PRKAG2: variants seen among roughly 807,000 people sequenced by gnomAD.
PRKAG2 encodes the protein protein kinase AMP-activated non-catalytic subunit gamma 2.
Under a neutral mutation model 69.6 loss-of-function variants are expected in PRKAG2, and 26 were observed. That is an observed-to-expected ratio of 0.37 (90% CI 0.27 to 0.52). The LOEUF is 0.52. Among genes scored for constraint, PRKAG2 ranks in the 20% least tolerant of loss-of-function variants. PRKAG2 has a pLI of 0.90. For synonymous variants in PRKAG2, 293 were observed against 285.0 expected (o/e 1.03, Z -0.28); for missense variants, 557 against 740.0 (o/e 0.75, Z 2.87).
chr7:151,598,158 C>T (rs1815095145), intron 5 of PRKAG2, among the ~76,000 whole-genome samples: 2 of 152,160 alleles, frequency 1.3e-5, no homozygotes, highest in African/African-American at 2.4e-5. Flanking sequence ...CATCTGTGAG[C>T]ACAGGATGAA....
At chr7:151,580,530 T>C (rs1810144305) in intron 6 of PRKAG2, among the ~76,000 whole-genome samples, 2 of 152,228 alleles carry the variant, frequency 1.3e-5, no homozygotes, top group South Asian at 4.1e-4. Context: ...AGAAGCAAAA[T>C]ATATAACAAT....
At chr7:151,635,103 C>T (rs1016347306) in intron 4 of PRKAG2, among the ~76,000 whole-genome samples, 1 of 152,044 alleles carries the variant, frequency 6.6e-6, no homozygotes, top group Non-Finnish European at 1.5e-5. Flanking sequence ...GCACATGCTA[C>T]CACAGGTCAG....
At chr7:151,639,289 T>G (rs1454015780) in intron 4 of PRKAG2, among the ~76,000 whole-genome samples, 1 of 152,234 alleles carries the variant, frequency 6.6e-6, no homozygotes, top group Non-Finnish European at 1.5e-5. Context: ...TTCTCAGGGT[T>G]GGCCAGCCGG....
intron 1 of PRKAG2, among the ~76,000 whole-genome samples, chr7:151,823,072 A>G (rs984203104): frequency 6.8e-6 from 1 of 147,172 alleles, no homozygotes; most frequent in African/African-American, 2.5e-5. Flanking sequence ...TCAACTGCAG[A>G]ACCTGCTCCC....
At chr7:151,840,479 T>C (rs529965293) in intron 1 of PRKAG2, among the ~76,000 whole-genome samples, 1 of 152,324 alleles carries the variant, frequency 6.6e-6, no homozygotes, top group Admixed American at 6.5e-5. Context: ...CTCAACTTCC[T>C]GGCCTCAATT....
chr7:151,598,442 T>A (rs1416082361), intron 5 of PRKAG2, among the ~76,000 whole-genome samples: 2 of 152,160 alleles, frequency 1.3e-5, no homozygotes, highest in Non-Finnish European at 2.9e-5. Context: ...AGGGAGGATT[T>A]TGAATGTTCC....
chr7:151,830,165 C>G lies in PRKAG2; in HGVS notation c.115-43624G>C, dbSNP rs144955673. On this transcript the variant is annotated intron_variant, in intron 1 of 15. Transcript: ENST00000287878. ...ATGCTCACGAGGGGACACCTGGGGT[C>G]GCTGATAGAAGTTCAGCGGTTTGCC... Among the ~76,000 whole-genome samples the G allele has an allele frequency of 8.1e-4, 119 of 147,038 alleles. 2 individuals are homozygous for G. Among genetic ancestry groups the G allele is most frequent in the Non-Finnish European group, 1.6e-3 (109 of 67,186 alleles).
rs1033967109 is a variant in PRKAG2, at chr7:151,771,838, C to T, written c.466+9314G>A. On this transcript the variant is annotated intron_variant, in intron 3 of 15. Transcript: ENST00000287878. The surrounding 1 kb of genome is among the most constrained non-coding windows in gnomAD (Gnocchi z 4.0). ...TCCCTTCACAGTTTCTGGACCCGGT[C>T]GGGCTTACATATGACCCACTGAAAT... 3.1e-4 allele frequency among the ~76,000 whole-genome samples: 47 copies of T among 152,306 alleles called. No individual in the cohort carries two copies. Among genetic ancestry groups the T allele is most frequent in the Admixed American group, 2.2e-3 (34 of 15,306 alleles).
intron 5 of PRKAG2, among the ~76,000 whole-genome samples, chr7:151,609,990 C>G (rs1044697827): frequency 6.6e-6 from 1 of 152,214 alleles, no homozygotes; most frequent in African/African-American, 2.4e-5. Context: ...GTAGCTGGCT[C>G]TACCCCGGAG....
chr7:151,828,730 G>A lies in PRKAG2; in HGVS notation c.115-42189C>T, dbSNP rs539088345. Among the ~76,000 whole-genome samples, 2 of 151,876 alleles carry A rather than the reference G, an allele frequency of 1.3e-5. No individual in the cohort carries two copies. The highest frequency in any genetic ancestry group is 3.9e-4 in the East Asian group (2 of 5,160). On this transcript the variant is annotated intron_variant, in intron 1 of 15. Coordinates refer to ENST00000287878, the MANE Select transcript of PRKAG2 (RefSeq NM_016203.4). This position sits in a 1 kb window ranked among gnomAD's most constrained non-coding sequence, Gnocchi z 4.6. ...GAGCTCGGGAGTTTGAGACCAGACT[G>A]GACAACACAGCGAGACCCTGTCTTT...
intron 1 of PRKAG2, among the ~76,000 whole-genome samples, chr7:151,864,151 G>A (rs1375002495): frequency 1.3e-5 from 2 of 152,156 alleles, no homozygotes; most frequent in Non-Finnish European, 2.9e-5. Context: ...CTGGCTTCCT[G>A]ACCTCCAGCC....
At chr7:151,585,652 G>A (rs1354185881) in intron 6 of PRKAG2, among the ~76,000 whole-genome samples, 3 of 152,168 alleles carry the variant, frequency 2.0e-5, no homozygotes, top group Non-Finnish European at 4.4e-5. Context: ...ATCTTTCTGC[G>A]TTTCGATTAT....
intron 5 of PRKAG2, among the ~76,000 whole-genome samples, chr7:151,626,237 T>C (rs1370157986): frequency 2.0e-5 from 3 of 152,122 alleles, no homozygotes; most frequent in Non-Finnish European, 4.4e-5. Context: ...CTTAAACTAG[T>C]CAGGGATCTT....
At chr7:151,867,535 T>C (rs577177884) in intron 1 of PRKAG2, among the ~76,000 whole-genome samples, 1 of 152,310 alleles carries the variant, frequency 6.6e-6, no homozygotes, top group African/African-American at 2.4e-5. Flanking sequence ...ACTCCAGGCA[T>C]AGTGGATGAG....
intron 4 of PRKAG2, among the ~76,000 whole-genome samples, chr7:151,641,945 G>C (rs1052548519): frequency 6.6e-6 from 1 of 150,556 alleles, no homozygotes; most frequent in African/African-American, 2.4e-5. Context: ...TGTAATCCTA[G>C]CATGTTGGGA....
intron 3 of PRKAG2, among the ~76,000 whole-genome samples, chr7:151,694,152 G>A (rs1836192361): frequency 6.6e-6 from 1 of 152,318 alleles, no homozygotes; most frequent in Middle Eastern, 3.4e-3. Flanking sequence ...GGGATTACAG[G>A]CGTGAGCCAC....
At chr7:151,670,065 T>G (rs1728624506) in intron 4 of PRKAG2, among the ~76,000 whole-genome samples, 1 of 142,624 alleles carries the variant, frequency 7.0e-6, no homozygotes, top group Admixed American at 6.9e-5. Flanking sequence ...CATACCCGCA[T>G]GCACACTCAC....
chr7:151,686,321 T>C (rs534245696), intron 3 of PRKAG2, among the ~76,000 whole-genome samples: 14 of 152,330 alleles, frequency 9.2e-5, no homozygotes, highest in African/African-American at 3.4e-4. Flanking sequence ...AGGAAACTTC[T>C]AAAGTAATTG....
intron 1 of PRKAG2, among the ~76,000 whole-genome samples, chr7:151,808,844 C>A (rs1465695790): frequency 6.6e-6 from 1 of 152,194 alleles, no homozygotes; most frequent in African/African-American, 2.4e-5. Context: ...GTCTGTGAGA[C>A]CCCCGAAGGG....
Sources: allele counts gnomAD v4.1 joint callset (sites outside exome capture counted in the v4.1 genomes callset), GRCh38; gene constraint gnomAD v4.1.1; non-coding constraint Gnocchi (gnomAD v3.1); transcripts MANE v1.5; gene names NCBI Gene and HGNC (gene_info 2026-07-23, HGNC 2026-07-21).